Variants in ERC2 observed in about 807,000 individuals in gnomAD.
ERC2 encodes ERC protein 2.
In ERC2, 42 loss-of-function variants were observed where a neutral mutation model predicts 114.8. The observed-to-expected ratio is 0.37, with a 90% CI of 0.29 to 0.47. The LOEUF (loss-of-function observed/expected upper bound fraction) is 0.47, where lower values mean the gene tolerates loss of function less well. Ranked by LOEUF, ERC2 falls within the 20% of genes least tolerant of loss-of-function variation. The probability of loss-of-function intolerance (pLI) is 0.99; values close to 1 mark genes in which losing one functional copy is unlikely to be tolerated. For synonymous variants in ERC2, 454 were observed against 425.5 expected (o/e 1.07, Z -0.82); for missense variants, 939 against 1,150.7 (o/e 0.82, Z 2.66).
At chr3:55,824,746 T>G (rs1363912008) in intron 14 of ERC2, among the ~76,000 whole-genome samples, 1 of 152,192 alleles carries the variant, frequency 6.6e-6, no homozygotes, top group African/African-American at 2.4e-5. Context: ...CCCTGCATTT[T>G]TAATAAGCCT....
intron 15 of ERC2, among the ~76,000 whole-genome samples, chr3:55,719,660 A>G (rs1251682233): frequency 6.6e-6 from 1 of 152,104 alleles, no homozygotes; most frequent in Non-Finnish European, 1.5e-5. Flanking sequence ...AGCAACACTT[A>G]AGTGTCTGGT....
At chr3:56,153,915 T>C (rs745635033) in intron 4 of ERC2, among the ~76,000 whole-genome samples, 11 of 152,202 alleles carry the variant, frequency 7.2e-5, no homozygotes, top group Non-Finnish European at 1.3e-4. Flanking sequence ...CATATTGGTC[T>C]ACGGACATTG....
At chr3:56,110,597 A>C (rs570654143) in intron 6 of ERC2, among the ~76,000 whole-genome samples, 1 of 152,202 alleles carries the variant, frequency 6.6e-6, no homozygotes. Context: ...AGGAACATGG[A>C]AAGAATTTTT....
chr3:55,712,581 C>G (rs532026535), intron 15 of ERC2, among the ~76,000 whole-genome samples: 1 of 152,198 alleles, frequency 6.6e-6, no homozygotes, highest in South Asian at 2.1e-4. Context: ...ACCTGCTTTC[C>G]CAAACAAGAC....
intron 14 of ERC2, among the ~76,000 whole-genome samples, chr3:55,809,016 T>C (rs531299149): frequency 2.0e-5 from 3 of 151,956 alleles, no homozygotes; most frequent in Non-Finnish European, 4.4e-5. Context: ...TCTGGTCAAA[T>C]AGCAGCTATG....
chr3:56,226,936 C>T (rs942691336), intron 3 of ERC2, among the ~76,000 whole-genome samples: 2 of 152,100 alleles, frequency 1.3e-5, no homozygotes, highest in African/African-American at 4.8e-5. Flanking sequence ...CCAAAACTGC[C>T]CCTTGTTTAA....
chr3:55,845,891 T>C (rs2149227001), intron 14 of ERC2, among the ~76,000 whole-genome samples: 1 of 152,324 alleles, frequency 6.6e-6, no homozygotes, highest in Middle Eastern at 3.4e-3. Context: ...AACACAAATA[T>C]ATTAGCAAAC....
chr3:56,248,187 T>C (rs1236994476), intron 3 of ERC2, among the ~76,000 whole-genome samples: 1 of 152,158 alleles, frequency 6.6e-6, no homozygotes, highest in Non-Finnish European at 1.5e-5. Flanking sequence ...ATTCCTGGGC[T>C]CAAGAGATCC....
chr3:55,826,656 C>A (rs1466893492), intron 14 of ERC2, among the ~76,000 whole-genome samples: 1 of 152,134 alleles, frequency 6.6e-6, no homozygotes, highest in East Asian at 1.9e-4. Flanking sequence ...AAAACAGACC[C>A]AGAGAGTGTC....
chr3:56,167,500 A>C (rs1168012192), intron 4 of ERC2, among the ~76,000 whole-genome samples: 2 of 152,166 alleles, frequency 1.3e-5, no homozygotes, highest in African/African-American at 4.8e-5. Flanking sequence ...ACTTGCTTCT[A>C]AGTGACAACC....
At chr3:56,071,246 T>G (rs2076727989) in intron 7 of ERC2, among the ~76,000 whole-genome samples, 1 of 152,152 alleles carries the variant, frequency 6.6e-6, no homozygotes, top group South Asian at 2.1e-4. Flanking sequence ...AGGGCAATGG[T>G]GCCCAAGGCC....
At chr3:55,948,395 CA>C (rs2067267787) in intron 13 of ERC2, among the ~76,000 whole-genome samples, 1 of 152,128 alleles carries the variant, frequency 6.6e-6, no homozygotes, top group African/African-American at 2.4e-5. Flanking sequence ...AACTTGTAAA[CA>C]GGAAATGCTC....
At chr3:56,462,966 C>T (rs557108950) in intron 1 of ERC2, among the ~76,000 whole-genome samples, 12 of 152,280 alleles carry the variant, frequency 7.9e-5, no homozygotes, top group African/African-American at 2.6e-4. Flanking sequence ...GTGGCTCACA[C>T]CTCTAATCCC....
intron 2 of ERC2, among the ~76,000 whole-genome samples, chr3:56,407,776 G>T (rs2107058918): frequency 6.6e-6 from 1 of 152,174 alleles, no homozygotes; most frequent in South Asian, 2.1e-4. Context: ...CTGATGATGG[G>T]CCCAGGGACC....
Position 56,001,301 on chromosome 3 carries a change from T to C in ERC2, c.2061+5880A>G, listed in dbSNP as rs2072037399. 3.3e-5 allele frequency among the ~76,000 whole-genome samples: 5 copies of C among 152,244 alleles called. No homozygotes were observed. In the South Asian group the frequency reaches 1.0e-3, roughly 32 times the overall value. Reference sequence around the variant, plus strand: ...TTTAATTTTCCTCTATAGGCTTCCATATGGTTGCAAATTCTCTACTGTGAC... The same window carrying C: ...TTTAATTTTCCTCTATAGGCTTCCACATGGTTGCAAATTCTCTACTGTGAC... On this transcript the variant is annotated intron_variant, in intron 10 of 17. Coordinates refer to ENST00000288221, the MANE Select transcript of ERC2 (RefSeq NM_015576.3).
At chr3:55,887,747 G>A (rs1034816055) in intron 14 of ERC2, among the ~76,000 whole-genome samples, 1 of 152,204 alleles carries the variant, frequency 6.6e-6, no homozygotes, top group African/African-American at 2.4e-5. Flanking sequence ...CCATTTCCCA[G>A]CACTCAGCCC....
Position 56,100,736 on chromosome 3 carries a change from C to T in ERC2, c.1474-19752G>A, listed in dbSNP as rs78805362. The stretch of plus-strand genomic sequence containing the variant: ...CAGAAGATCAGGGATAGGGCATGCT[C>T]CCATGCCATTCCTTTCTGTATATTC... On this transcript the variant is annotated intron_variant, in intron 6 of 17. Transcript: ENST00000288221. Among the ~76,000 whole-genome samples the T allele has an allele frequency of 5.3e-3, 808 of 152,276 alleles. 2 individuals are homozygous for T. The highest frequency in any genetic ancestry group is 9.0e-3 in the Non-Finnish European group (609 of 68,024).
At chr3:56,442,300 A>T (rs959864820) in intron 1 of ERC2, among the ~76,000 whole-genome samples, 1 of 152,068 alleles carries the variant, frequency 6.6e-6, no homozygotes, top group Non-Finnish European at 1.5e-5. Flanking sequence ...GCCTCACTGC[A>T]ATCTCTGTCT....
chr3:55,884,540 G>A (rs748682855), intron 14 of ERC2, among the ~76,000 whole-genome samples: 6 of 151,862 alleles, frequency 4.0e-5, no homozygotes, highest in Non-Finnish European at 7.4e-5. Context: ...GGTAAATTCT[G>A]TATAGCTCTG....
Sources: allele counts gnomAD v4.1 joint callset (sites outside exome capture counted in the v4.1 genomes callset), GRCh38; gene constraint gnomAD v4.1.1; transcripts MANE v1.5; gene names NCBI Gene and HGNC (gene_info 2026-07-23, HGNC 2026-07-21).